The following ZC3H13 variants were observed in gnomAD, a reference collection of about 807,000 sequenced individuals.
The protein encoded by ZC3H13 is zinc finger CCCH-type containing 13, also known as zinc finger CCCH domain-containing protein 13.
Under a neutral mutation model 204.1 loss-of-function variants are expected in ZC3H13, and 64 were observed. The observed-to-expected ratio is 0.31, with a 90% CI of 0.26 to 0.39. ZC3H13 has a LOEUF of 0.39. Among genes scored for constraint, ZC3H13 ranks in the 10% least tolerant of loss-of-function variants. The probability of loss-of-function intolerance (pLI) is 1.00; values close to 1 mark genes in which losing one functional copy is unlikely to be tolerated. For synonymous variants in ZC3H13, 667 were observed against 693.7 expected, an observed-to-expected ratio of 0.96 and a Z score of 0.60; for missense variants, 1,833 against 2,082.7, an observed-to-expected ratio of 0.88 and a Z score of 2.33.
chr13:46,034,270 G>A (rs1326162434), intron 4 of ZC3H13, among the ~76,000 whole-genome samples: 7 of 152,144 alleles, frequency 4.6e-5, no homozygotes, highest in Admixed American at 4.6e-4. Context: ...ATATACATAA[G>A]ACACAGTTCT....
In ZC3H13 at chr13:45,969,602, T is replaced by A. The variant is rs751139064; in HGVS notation, c.2942A>T (p.Asn981Ile). The change falls in exon 14 of 19, where the codon AAC becomes ATC. Residue 981 changes from asparagine to isoleucine, a missense_variant. Transcript: ENST00000679008. ...KEDDVGIERGNIETTSEDGQV... is the reference protein window; with the variant it reads ...KEDDVGIERGIIETTSEDGQV... ...ACCATCTTCAGATGTTGTCTCTATGTTACCCCTCTCTATTCCAACATCATC... is the reference window on the plus strand; with the variant it reads ...ACCATCTTCAGATGTTGTCTCTATGATACCCCTCTCTATTCCAACATCATC... 1 of 1,611,668 alleles carries A rather than the reference T, an allele frequency of 6.2e-7. No individual in the cohort carries two copies. Among genetic ancestry groups the A allele is most frequent in the Non-Finnish European group, 8.5e-7 (1 of 1,179,538 alleles).
intron 8 of ZC3H13, among the ~76,000 whole-genome samples, chr13:45,998,823 G>A (rs2138434311): frequency 6.6e-6 from 1 of 152,296 alleles, no homozygotes; most frequent in South Asian, 2.1e-4. Flanking sequence ...TGGGGAGGCT[G>A]TGGCAATTTC....
intron 9 of ZC3H13, 82 bp from the exon 10 acceptor site, chr13:45,985,843 T>A (rs1329384180): frequency 4.0e-6 from 5 of 1,256,564 alleles, no homozygotes; most frequent in Non-Finnish European, 5.4e-6. Context: ...TACAGAACTT[T>A]AAAAATTTTA....
At chr13:46,049,436 G>A (rs2139264962) in intron 1 of ZC3H13, among the ~76,000 whole-genome samples, 1 of 152,156 alleles carries the variant, frequency 6.6e-6, no homozygotes, top group African/African-American at 2.4e-5. Flanking sequence ...GATCATCCAT[G>A]TAAAAACTTC....
In ZC3H13 at chr13:45,969,550, C is replaced by T. The variant is rs1952403276; in HGVS notation, c.2994G>A (p.Gln998=). 6.2e-7 allele frequency: 1 copy of T among 1,607,516 alleles called. No homozygotes were observed. Among genetic ancestry groups the T allele is most frequent in the African/African-American group, 1.3e-5 (1 of 74,096 alleles). Reference sequence around the variant, plus strand: ...GTTTTTTTTCAATGCTTTTCTTTTTCTGTCCTTTTTTTGGTGAAAATACTT... The same window carrying T: ...GTTTTTTTTCAATGCTTTTCTTTTTTTGTCCTTTTTTTGGTGAAAATACTT... The part of the protein sequence containing the change: ...DGQVFSPKKG[Q]KKKSIEKKRK... Residue 998 remains glutamine, a synonymous_variant, in exon 14 of 19, where the codon CAG becomes CAA. Coordinates refer to ENST00000679008, the MANE Select transcript of ZC3H13 (RefSeq NM_001330564.2).
intron 8 of ZC3H13, among the ~76,000 whole-genome samples, chr13:45,995,831 G>C (rs2138380456): frequency 6.6e-6 from 1 of 152,236 alleles, no homozygotes; most frequent in East Asian, 1.9e-4. Context: ...CCTTGTCCCA[G>C]GTATTTCTTT....
At chr13:45,990,462 A>G (rs1486600127) in intron 8 of ZC3H13, among the ~76,000 whole-genome samples, 2 of 152,200 alleles carry the variant, frequency 1.3e-5, no homozygotes, top group Non-Finnish European at 2.9e-5. Context: ...GGGTGACAGT[A>G]AATGAAAAGT....
intron 3 of ZC3H13, among the ~76,000 whole-genome samples, chr13:46,044,107 G>C (rs2043775156): frequency 6.6e-6 from 1 of 150,484 alleles, no homozygotes; most frequent in Admixed American, 6.6e-5. Context: ...AATGTTGAGG[G>C]TTTGAATTTT....
chr13:45,964,502 G>A (rs558939856), intron 16 of ZC3H13, among the ~76,000 whole-genome samples: 2 of 152,258 alleles, frequency 1.3e-5, no homozygotes, highest in Non-Finnish European at 2.9e-5. Flanking sequence ...TTAACACTGA[G>A]AGCAAATAAT....
chr13:45,996,565 C>T (rs2040347111), intron 8 of ZC3H13, among the ~76,000 whole-genome samples: 2 of 152,132 alleles, frequency 1.3e-5, no homozygotes, highest in Non-Finnish European at 2.9e-5. Flanking sequence ...TTTTGTCGTT[C>T]CACTCTACCG....
Position 45,988,790 on chromosome 13 carries a change from CCCT to C in ZC3H13, c.1249_1251del (p.Arg417del). The C allele has an allele frequency of 6.2e-7, 1 of 1,611,576 alleles. No homozygotes were observed. Among genetic ancestry groups the C allele is most frequent in the African/African-American group, 1.3e-5 (1 of 74,964 alleles). On this transcript the variant is annotated inframe_deletion, in exon 9 of 19. Coordinates refer to ENST00000679008, the MANE Select transcript of ZC3H13 (RefSeq NM_001330564.2). ...AAAATCAAAGTACAGTACACACCTT[CCCT>C]CCTTTCATGGCGTCGATCATGAGAC...
chr13:46,044,830 G>T, intron 3 of ZC3H13, 125 bp downstream of exon 3: 1 of 493,520 alleles, frequency 2.0e-6, no homozygotes, highest in Non-Finnish European at 3.4e-6. Context: ...TTCAATTACT[G>T]GTAAGACTAC....
chr13:45,961,765 T>C (rs1004102792), intron 17 of ZC3H13, among the ~76,000 whole-genome samples: 9 of 152,208 alleles, frequency 5.9e-5, no homozygotes, highest in Admixed American at 1.3e-4. Context: ...GGATAAATGC[T>C]TGAGGGGATG....
chr13:46,048,479 G>A (rs2139243553), intron 1 of ZC3H13, among the ~76,000 whole-genome samples: 2 of 151,148 alleles, frequency 1.3e-5, no homozygotes, highest in South Asian at 4.2e-4. Flanking sequence ...TACTCGGGAG[G>A]CTGAGGCGGG....
intron 12 of ZC3H13, among the ~76,000 whole-genome samples, chr13:45,972,663 C>A (rs547160905): frequency 6.6e-6 from 1 of 152,230 alleles, no homozygotes; most frequent in Admixed American, 6.5e-5. Context: ...GGAGAAGGCC[C>A]CAGGTGTAAT....
intron 4 of ZC3H13, among the ~76,000 whole-genome samples, chr13:46,032,478 A>G (rs2042964472): frequency 6.6e-6 from 1 of 152,144 alleles, no homozygotes; most frequent in Non-Finnish European, 1.5e-5. Flanking sequence ...ATGATGAAAT[A>G]ACATTTTTTT....
chr13:45,963,151 A>T, intron 17 of ZC3H13: 1 of 966,736 alleles, frequency 1.0e-6, no homozygotes, highest in African/African-American at 1.8e-5. Flanking sequence ...CCTGACTTAC[A>T]GATGATGACA....
At chr13:45,962,477 T>C (rs778842388) in intron 17 of ZC3H13, 32 of 984,284 alleles carry the variant, frequency 3.3e-5, no homozygotes, top group Non-Finnish European at 3.9e-5. Context: ...ACAAATAAAA[T>C]TGAGGCTCAC....
In ZC3H13 at chr13:46,042,168, A is replaced by G; in HGVS notation, c.335T>C (p.Val112Ala). 6.2e-7 allele frequency: 1 copy of G among 1,610,682 alleles called. No homozygotes were observed. The highest frequency in any genetic ancestry group is 1.1e-5 in the South Asian group (1 of 90,892). The change falls in exon 4 of 19, where the codon GTT (valine) becomes GCT (alanine). Residue 112 changes from valine (V) to alanine (A), a missense_variant. Physicochemically the swap from Val to Ala is moderately conservative, Grantham distance 64 (BLOSUM62 0). Around this residue, in one of 5 missense-constraint regions of ZC3H13, gnomAD observed 1,574 missense variants for 1,757.2 expected, o/e 0.90. Transcript: ENST00000679008. ...TTTTGGGAAATTCAATCCTACCCTA[A>G]CAGGTGAGGATGACTCCTCTGTATT... is the stretch of plus-strand genomic sequence containing the variant. ...KRNTEESSSPVRKESSRGRHR... is the reference protein window; with the variant it reads ...KRNTEESSSPARKESSRGRHR...
Sources: allele counts gnomAD v4.1 joint callset (sites outside exome capture counted in the v4.1 genomes callset), GRCh38; gene constraint gnomAD v4.1.1; regional missense constraint gnomAD v4.1.1; transcripts MANE v1.5; gene names NCBI Gene and HGNC (gene_info 2026-07-23, HGNC 2026-07-21).